GABRG3: variants seen among roughly 807,000 people sequenced by gnomAD.
The protein encoded by GABRG3 is gamma-aminobutyric acid receptor subunit gamma-3.
A neutral mutation model predicts 48.8 loss-of-function variants in GABRG3; 25 were observed. The observed-to-expected ratio is 0.51, with a 90% CI of 0.37 to 0.72. The LOEUF (loss-of-function observed/expected upper bound fraction) is 0.72, where lower values mean the gene tolerates loss of function less well. GABRG3 is among the 30% of genes least tolerant of loss of function. The probability of loss-of-function intolerance (pLI) is 0.00; values close to 1 mark genes in which losing one functional copy is unlikely to be tolerated. For missense variants in GABRG3, 394 were observed against 577.9 expected, an observed-to-expected ratio of 0.68 and a Z score of 3.26; for synonymous variants, 227 against 217.6, an observed-to-expected ratio of 1.04 and a Z score of -0.38.
chr15:27,378,120 AAAC>A (rs1478551490), intron 5 of GABRG3, among the ~76,000 whole-genome samples: 2 of 152,238 alleles, frequency 1.3e-5, no homozygotes, highest in East Asian at 3.8e-4. Context: ...AGAAAAAAAA[AAAC>A]ATTTTAGCTG....
chr15:26,976,655 A>G lies in GABRG3; in HGVS notation c.54-347A>G, dbSNP rs1894952740. On this transcript the variant is annotated intron_variant, in intron 1 of 9. Transcript: ENST00000615808. This position sits in a 1 kb window ranked among gnomAD's most constrained non-coding sequence, Gnocchi z 7.8. ...AAACCTCTAGAAGGTTTGTGCCTTGACCTTCACAGGCTATCGGGGTGGATC... is the reference window on the plus strand; with the variant it reads ...AAACCTCTAGAAGGTTTGTGCCTTGGCCTTCACAGGCTATCGGGGTGGATC... Among the ~76,000 whole-genome samples the G allele has an allele frequency of 6.6e-6, 1 of 151,934 alleles. No individual in the cohort carries two copies. The highest frequency in any genetic ancestry group is 1.5e-5 in the Non-Finnish European group (1 of 67,964).
intron 3 of GABRG3, among the ~76,000 whole-genome samples, chr15:27,043,496 A>G (rs950192679): frequency 2.6e-5 from 4 of 152,166 alleles, no homozygotes; most frequent in Admixed American, 6.5e-5. Flanking sequence ...AGCTGGTATC[A>G]TAGGAAGTCC....
At chr15:27,144,831 C>T (rs1404824564) in intron 3 of GABRG3, among the ~76,000 whole-genome samples, 1 of 152,182 alleles carries the variant, frequency 6.6e-6, no homozygotes, top group Non-Finnish European at 1.5e-5. Flanking sequence ...AAAAAGGACA[C>T]ACAGAGCAAC....
chr15:27,330,718 CAG>C (rs1200028037), intron 5 of GABRG3, among the ~76,000 whole-genome samples: 1 of 152,150 alleles, frequency 6.6e-6, no homozygotes, highest in Non-Finnish European at 1.5e-5. Flanking sequence ...ACATAGTACT[CAG>C]GGAAATACAT....
intron 5 of GABRG3, among the ~76,000 whole-genome samples, chr15:27,366,614 A>C (rs1895208426): frequency 6.6e-6 from 1 of 152,050 alleles, no homozygotes; most frequent in South Asian, 2.1e-4. Context: ...ATCCTGGGTT[A>C]AGGAACGAAC....
intron 3 of GABRG3, among the ~76,000 whole-genome samples, chr15:27,164,038 TAATTACACATAGAATA>T (rs1887293601): frequency 6.6e-6 from 1 of 152,222 alleles, no homozygotes; most frequent in African/African-American, 2.4e-5. Context: ...AATTTTATTG[TAATTACACATAGAATA>T]AATTAGAATG....
At chr15:27,513,609 A>G (rs1890952107) in intron 6 of GABRG3, among the ~76,000 whole-genome samples, 1 of 152,190 alleles carries the variant, frequency 6.6e-6, no homozygotes, top group African/African-American at 2.4e-5. Flanking sequence ...TAAATCAAAC[A>G]GAGTACTCAC....
Position 27,378,276 on chromosome 15 carries a change from C to T in GABRG3, c.574+49388C>T, listed in dbSNP as rs946833903. ...AATTTAAAAAAATTAAAAAAACCCA[C>T]AAATTTTCTCTCCCTTCACAGCTTT... On this transcript the variant is annotated intron_variant, in intron 5 of 9. Transcript: ENST00000615808. Among the ~76,000 whole-genome samples the T allele has an allele frequency of 7.9e-5, 12 of 152,192 alleles. No individual in the cohort carries two copies. In the East Asian group the frequency reaches 2.3e-3, roughly 29 times the overall value.
intron 5 of GABRG3, among the ~76,000 whole-genome samples, chr15:27,359,989 A>G (rs1894968460): frequency 6.6e-6 from 1 of 152,172 alleles, no homozygotes; most frequent in Non-Finnish European, 1.5e-5. Flanking sequence ...CTACACATTG[A>G]GCCCTGTGTG....
intron 5 of GABRG3, among the ~76,000 whole-genome samples, chr15:27,458,367 T>A (rs960268071): frequency 1.3e-5 from 2 of 152,226 alleles, no homozygotes; most frequent in African/African-American, 4.8e-5. Flanking sequence ...ATAGTACTTT[T>A]TGACTGGTGA....
intron 3 of GABRG3, among the ~76,000 whole-genome samples, chr15:27,030,487 G>A (rs985666100): frequency 6.6e-6 from 1 of 152,194 alleles, no homozygotes; most frequent in Non-Finnish European, 1.5e-5. Context: ...AACGGGACCA[G>A]GGGAATGTTC....
At chr15:27,491,975 A>G (rs1890368071) in intron 6 of GABRG3, among the ~76,000 whole-genome samples, 1 of 152,072 alleles carries the variant, frequency 6.6e-6, no homozygotes, top group Non-Finnish European at 1.5e-5. Context: ...GACTTGTGTA[A>G]TTTTATTTAT....
intron 3 of GABRG3, among the ~76,000 whole-genome samples, chr15:27,094,902 A>G (rs7169601): frequency 0.23 from 35,443 of 152,108 alleles, 5,005 homozygotes; most frequent in East Asian, 0.38. Flanking sequence ...ATGACAACAA[A>G]CATACACACA....
chr15:27,350,897 G>A (rs1044226081), intron 5 of GABRG3, among the ~76,000 whole-genome samples: 1 of 151,478 alleles, frequency 6.6e-6, no homozygotes, highest in African/African-American at 2.4e-5. Context: ...TGTCGTGTGT[G>A]TTTGTGTGTG....
At chr15:27,449,116 G>T (rs1457178259) in intron 5 of GABRG3, among the ~76,000 whole-genome samples, 1 of 152,096 alleles carries the variant, frequency 6.6e-6, no homozygotes, top group African/African-American at 2.4e-5. Flanking sequence ...CCTCATCCTT[G>T]CCCTGCTTTT....
rs1400515457 is a variant in GABRG3, at chr15:27,535,907, G to A, written c.*3026G>A. ...TCTTTGCCAGGATGCCTGATCAGGA[G>A]GGACGTGTGTGGGCACGAGGTGCAA... is the stretch of plus-strand genomic sequence containing the variant. On this transcript the variant is annotated 3_prime_UTR_variant, in exon 10 of 10. Transcript: ENST00000615808. The A allele has an allele frequency of 6.6e-6, 1 of 152,272 alleles. No homozygotes were observed. The highest frequency in any genetic ancestry group is 6.5e-5 in the Admixed American group (1 of 15,282). The allele number at this position is 152,272 out of a possible 1,614,324, so 9.4% of individuals were successfully genotyped here. A position where few individuals can be genotyped will look rare whatever the true frequency, so the allele number is the denominator to read the frequency against.
At chr15:27,262,016 A>G (rs2075913246) in intron 3 of GABRG3, among the ~76,000 whole-genome samples, 1 of 152,204 alleles carries the variant, frequency 6.6e-6, no homozygotes. Flanking sequence ...CCCCAAGGAA[A>G]GATTCCATCA....
At chr15:27,482,187 T>A (rs1016006496) in intron 6 of GABRG3, among the ~76,000 whole-genome samples, 6 of 152,234 alleles carry the variant, frequency 3.9e-5, no homozygotes, top group African/African-American at 1.4e-4. Context: ...AACGAAATTA[T>A]AATCAATCTC....
chr15:26,998,952 G>A (rs957995602), intron 2 of GABRG3, among the ~76,000 whole-genome samples: 6 of 151,832 alleles, frequency 4.0e-5, no homozygotes, highest in African/African-American at 1.2e-4. Flanking sequence ...CGTTAAATGG[G>A]TCTTTATTTA....
Sources: allele counts gnomAD v4.1 joint callset (sites outside exome capture counted in the v4.1 genomes callset), GRCh38; gene constraint gnomAD v4.1.1; non-coding constraint Gnocchi (gnomAD v3.1); transcripts MANE v1.5; gene names NCBI Gene and HGNC (gene_info 2026-07-23, HGNC 2026-07-21).